HSD17B14: variants seen among roughly 807,000 people sequenced by gnomAD.
HSD17B14 encodes L-fucose dehydrogenase.
A neutral mutation model predicts 32.2 loss-of-function variants in HSD17B14; 32 were observed. The observed-to-expected ratio is 0.99, with a 90% CI of 0.75 to 1.33. HSD17B14 has a LOEUF of 1.33. Ranked by LOEUF, HSD17B14 falls within the 40% of genes most tolerant of loss-of-function variation. The pLI is 0.00. For missense variants in HSD17B14, 370 were observed against 366.5 expected (o/e 1.01, Z -0.08); for synonymous variants, 140 against 155.4 (o/e 0.90, Z 0.74).
chr19:48,830,844 ATTTATTTATTTT>A (rs1404781330), intron 5 of HSD17B14, among the ~76,000 whole-genome samples: 4 of 147,944 alleles, frequency 2.7e-5, no homozygotes. Flanking sequence ...TTATTTATTT[ATTTATTTATTTT>A]TGAGACAGCA....
At chr19:48,835,603 C>T (rs536847764) in intron 2 of HSD17B14, among the ~76,000 whole-genome samples, 13 of 143,940 alleles carry the variant, frequency 9.0e-5, no homozygotes, top group African/African-American at 3.4e-4. Context: ...GGGACCTGGA[C>T]TCCTGGGTCT....
rs2034988167 is a variant in HSD17B14, at chr19:48,813,139, T to G, written c.*36A>C. On this transcript the variant is annotated 3_prime_UTR_variant, in exon 9 of 9. Coordinates refer to ENST00000263278, the MANE Select transcript of HSD17B14 (RefSeq NM_016246.3). ...CAGGTTGGAGTTTGGGGTGGGAGAGTCCTAGGAAGGGGGCCCCAAGTAGAA... is the reference window on the plus strand; with the variant it reads ...CAGGTTGGAGTTTGGGGTGGGAGAGGCCTAGGAAGGGGGCCCCAAGTAGAA... The G allele has an allele frequency of 1.3e-6, 2 of 1,492,546 alleles. No homozygotes were observed. Among genetic ancestry groups the G allele is most frequent in the African/African-American group, 1.4e-5 (1 of 71,758 alleles). The allele number at this position is 1,492,546 out of a possible 1,614,324, so 92.5% of individuals were successfully genotyped here. A position where few individuals can be genotyped will look rare whatever the true frequency, so the allele number is the denominator to read the frequency against.
rs372772426 is a variant in HSD17B14 at position 48,815,037 on chromosome 19, C to A, written c.474G>T (p.Lys158Asn). 8 of 1,612,536 alleles carry A rather than the reference C, an allele frequency of 5.0e-6. No homozygotes were observed. The highest frequency in any genetic ancestry group is 6.8e-6 in the Non-Finnish European group (8 of 1,178,812). The stretch of plus-strand genomic sequence containing the variant: ...AAGGAAGGGGTAGGGGCTGCCATAC[C>A]TTGGTGGCCACATAGGGAACTGCCT... ...QAQAVPYVAT[K>N]GAVTAMTKAL... is the part of the protein sequence containing the mutation. Residue 158 changes from lysine to asparagine, a missense_variant and splice_region_variant, in exon 6 of 9, where the codon AAG becomes AAT. By Grantham distance (94) the Lys-to-Asn change is moderately conservative (BLOSUM62 0). Transcript: ENST00000263278.
rs141119542 is a variant in HSD17B14, at chr19:48,836,333, G to A, written c.79C>T (p.Arg27Cys). 3,506 of 1,612,692 alleles carry A rather than the reference G, an allele frequency of 2.2e-3. 4 individuals are homozygous for A. Among genetic ancestry groups the A allele is most frequent in the Admixed American group, 3.2e-3 (193 of 59,798 alleles). The change falls in exon 1 of 9, where the codon CGC becomes TGC. Residue 27 changes from arginine to cysteine, a missense_variant. Coordinates refer to ENST00000263278, the MANE Select transcript of HSD17B14 (RefSeq NM_016246.3). ...GGRGIGAGIV[R>C]AFVNSGARVV... Reference sequence around the variant, plus strand: ...GTCAGACCCGGCTCACCGAAGGCGCGCACGATCCCAGCTCCGATGCCGCGC... The same window carrying A: ...GTCAGACCCGGCTCACCGAAGGCGCACACGATCCCAGCTCCGATGCCGCGC...
At chr19:48,825,894 C>T (rs1292125565) in intron 5 of HSD17B14, among the ~76,000 whole-genome samples, 1 of 152,054 alleles carries the variant, frequency 6.6e-6, no homozygotes, top group African/African-American at 2.4e-5. Flanking sequence ...GATCTCGGCT[C>T]ACTGCAAGCT....
intron 5 of HSD17B14, among the ~76,000 whole-genome samples, chr19:48,828,620 T>G (rs1568522856): frequency 6.6e-6 from 1 of 151,568 alleles, no homozygotes; most frequent in Non-Finnish European, 1.5e-5. Context: ...AAAAAGTAAT[T>G]AAAATACATT....
intron 5 of HSD17B14, among the ~76,000 whole-genome samples, chr19:48,818,886 G>A (rs2035100347): frequency 6.6e-6 from 1 of 152,186 alleles, no homozygotes; most frequent in Non-Finnish European, 1.5e-5. Context: ...TGGGAGCAAT[G>A]AGGCCAGTGT....
intron 5 of HSD17B14, among the ~76,000 whole-genome samples, chr19:48,822,359 ATGATGGTGATGCTGATGTTGT>A (rs2035171438): frequency 7.1e-6 from 1 of 140,604 alleles, no homozygotes; most frequent in Middle Eastern, 4.3e-3. Flanking sequence ...GATGGTGGCA[ATGATGGTGATGCTGATGTTGT>A]TGATGGTGAT....
intron 6 of HSD17B14, among the ~76,000 whole-genome samples, chr19:48,813,962 G>A (rs1244160810): frequency 6.6e-6 from 1 of 152,040 alleles, no homozygotes; most frequent in East Asian, 1.9e-4. Flanking sequence ...TTGGGAGGCC[G>A]GGATGGGTGG....
rs2035124977 is a variant in HSD17B14, at chr19:48,820,310, C to T, written c.370-5169G>A. On this transcript the variant is annotated intron_variant, in intron 5 of 8. Coordinates refer to ENST00000263278, the MANE Select transcript of HSD17B14 (RefSeq NM_016246.3). ...CCAATATGGTGAAACCCTGTCTCTG[C>T]TAAAAATACATTAGCCAGGCGTGGT... Among the ~76,000 whole-genome samples, 4 of 151,786 alleles carry T rather than the reference C, an allele frequency of 2.6e-5. No homozygotes were observed. The South Asian group carries it at 8.3e-4, about 32-fold the overall frequency.
intron 5 of HSD17B14, among the ~76,000 whole-genome samples, chr19:48,822,232 G>A (rs537246545): frequency 6.6e-6 from 1 of 151,598 alleles, no homozygotes; most frequent in East Asian, 2.0e-4. Context: ...GGTAATGATG[G>A]TGGTGATGTT....
At chr19:48,817,341 C>A (rs1207316773) in intron 5 of HSD17B14, among the ~76,000 whole-genome samples, 1 of 150,154 alleles carries the variant, frequency 6.7e-6, no homozygotes, top group African/African-American at 2.5e-5. Context: ...CCATGCCTGG[C>A]TAATTTTTGT....
At chr19:48,817,381 G>GT (rs921526933) in intron 5 of HSD17B14, among the ~76,000 whole-genome samples, 6 of 145,804 alleles carry the variant, frequency 4.1e-5, no homozygotes, top group African/African-American at 1.5e-4. Flanking sequence ...GTTTCACCAT[G>GT]TTAGCCAGGC....
intron 5 of HSD17B14, 25 bp downstream of exon 5, chr19:48,831,643 T>C: frequency 6.4e-7 from 1 of 1,570,518 alleles, no homozygotes; most frequent in East Asian, 2.2e-5. Context: ...TGCTCGGGCC[T>C]GGCGGCAGGG....
chr19:48,832,828 A>C, intron 3 of HSD17B14, 96 bp from the exon 4 acceptor site: 1 of 1,025,294 alleles, frequency 9.8e-7, no homozygotes, highest in Non-Finnish European at 1.5e-6. Context: ...ATCTTGGCTC[A>C]CTGCAACTTC....
chr19:48,818,444 G>C (rs76459550), intron 5 of HSD17B14, among the ~76,000 whole-genome samples: 3,139 of 151,590 alleles, frequency 0.021, 114 homozygotes, highest in African/African-American at 0.071. Context: ...CCCACCAGCC[G>C]TGACACCCTC....
Position 48,836,479 on chromosome 19 carries a change from G to A in HSD17B14, c.-68C>T, listed in dbSNP as rs2035520512. The A allele has an allele frequency of 3.9e-6, 6 of 1,521,086 alleles. No homozygotes were observed. Among genetic ancestry groups the A allele is most frequent in the African/African-American group, 2.7e-5 (2 of 73,132 alleles). 94.2% of individuals were successfully genotyped at this position (1,521,086 alleles called of 1,614,324 possible). On this transcript the variant is annotated 5_prime_UTR_variant, in exon 1 of 9. The change creates a new upstream start codon in the 5' untranslated region. Coordinates refer to ENST00000263278, the MANE Select transcript of HSD17B14 (RefSeq NM_016246.3). ...TTCACCTCCAAAGCCCCGTGAGGCCGTCGCATCAAATCCTCAATAGAGGCT... is the reference window on the plus strand; with the variant it reads ...TTCACCTCCAAAGCCCCGTGAGGCCATCGCATCAAATCCTCAATAGAGGCT...
intron 5 of HSD17B14, among the ~76,000 whole-genome samples, chr19:48,822,066 T>G (rs1161757001): frequency 1.2e-4 from 16 of 138,350 alleles, no homozygotes; most frequent in Middle Eastern, 4.8e-3. Flanking sequence ...TGGTGATGAT[T>G]GTGGTAACAA....
At chr19:48,822,097 GTGA>G (rs1224070159) in intron 5 of HSD17B14, among the ~76,000 whole-genome samples, 17 of 140,978 alleles carry the variant, frequency 1.2e-4, no homozygotes, top group Middle Eastern at 3.4e-3. Context: ...GATGATGGTG[GTGA>G]TGATGGTGGC....
Sources: allele counts gnomAD v4.1 joint callset (sites outside exome capture counted in the v4.1 genomes callset), GRCh38; gene constraint gnomAD v4.1.1; transcripts MANE v1.5; gene names NCBI Gene and HGNC (gene_info 2026-07-23, HGNC 2026-07-21).